VIT: variants seen among roughly 807,000 people sequenced by gnomAD.
VIT encodes the protein vitrin.
A neutral mutation model predicts 78.0 loss-of-function variants in VIT; 99 were observed. The observed-to-expected ratio is 1.27, with a 90% CI of 1.08 to 1.50. The LOEUF is 1.50. Among genes scored for constraint, VIT ranks in the 40% most tolerant of loss-of-function variants. The pLI is 0.00. For missense variants in VIT, 1,126 were observed against 875.3 expected, an observed-to-expected ratio of 1.29 and a Z score of -3.61; for synonymous variants, 374 against 334.3, an observed-to-expected ratio of 1.12 and a Z score of -1.29.
Position 36,806,575 on chromosome 2 carries a change from C to G in VIT, c.1389+911C>G, listed in dbSNP as rs149465860. Among the ~76,000 whole-genome samples the G allele has an allele frequency of 4.6e-3, 693 of 152,228 alleles. 3 individuals carry two copies. Among genetic ancestry groups the G allele is most frequent in the Non-Finnish European group, 7.2e-3 (488 of 68,008 alleles). The stretch of plus-strand genomic sequence containing the variant: ...CTTTTTTTCTTTTTTCAGACGGAGT[C>G]TCACTCTGTCGCCCAGGCTGGAATG... On this transcript the variant is annotated intron_variant, in intron 14 of 15. Transcript: ENST00000379242.
At position 36,758,963 on chromosome 2, in the gene VIT, T is replaced by C; in HGVS notation, c.410-6T>C. The stretch of plus-strand genomic sequence containing the variant: ...AAATCTCGTTTTTTTTTTCTCTTTT[T>C]TGCAGAAAGTAAACCCAAAAAGGGT... On this transcript the variant is annotated splice_polypyrimidine_tract_variant and splice_region_variant and intron_variant, in intron 5 of 15. Coordinates refer to ENST00000379242, the MANE Select transcript of VIT (RefSeq NM_053276.4). The C allele has an allele frequency of 3.7e-6, 6 of 1,612,352 alleles. No individual in the cohort carries two copies. Among genetic ancestry groups the C allele is most frequent in the Middle Eastern group, 1.7e-4 (1 of 6,060 alleles).
intron 11 of VIT, among the ~76,000 whole-genome samples, chr2:36,783,961 C>T (rs147354760): frequency 3.9e-5 from 6 of 152,292 alleles, no homozygotes; most frequent in Non-Finnish European, 5.9e-5. Flanking sequence ...CCAGGTCTGA[C>T]ATTCAGAAGG....
chr2:36,796,783 A>G (rs568214801), intron 12 of VIT, among the ~76,000 whole-genome samples: 1 of 152,246 alleles, frequency 6.6e-6, no homozygotes, highest in Non-Finnish European at 1.5e-5. Flanking sequence ...AACTTTTGAA[A>G]GGAACCTTTA....
In VIT at chr2:36,767,190, C is replaced by G; in HGVS notation, c.584C>G (p.Ala195Gly). ...MQLLAVTVAV[A>G]TPTTLPRPSP... is the part of the protein sequence containing the mutation. ...CTTCTGGCTGTCACTGTAGCTGTGG[C>G]CACCCCCACCACCTTGCCAAGGCCA... Residue 195 changes from alanine to glycine, a missense_variant, in exon 7 of 16, where the codon GCC becomes GGC. Transcript: ENST00000379242. 1 of 1,610,064 alleles carries G rather than the reference C, an allele frequency of 6.2e-7. No individual in the cohort carries two copies. The highest frequency in any genetic ancestry group is 8.5e-7 in the Non-Finnish European group (1 of 1,178,446).
chr2:36,802,985 T>C (rs1051863550), intron 13 of VIT, among the ~76,000 whole-genome samples: 1 of 152,220 alleles, frequency 6.6e-6, no homozygotes, highest in African/African-American at 2.4e-5. Context: ...TCTTCCAAGA[T>C]TAGGAAATCA....
At chr2:36,730,148 C>T (rs1385245410) in intron 3 of VIT, among the ~76,000 whole-genome samples, 1 of 151,884 alleles carries the variant, frequency 6.6e-6, no homozygotes, top group African/African-American at 2.4e-5. Flanking sequence ...ATTAGCCAGG[C>T]CTGATGGCGC....
intron 5 of VIT, among the ~76,000 whole-genome samples, chr2:36,757,244 A>G (rs927605986): frequency 6.6e-6 from 1 of 152,094 alleles, no homozygotes; most frequent in Non-Finnish European, 1.5e-5. Flanking sequence ...CTAGGTTTTT[A>G]TTTCTAATTT....
intron 12 of VIT, among the ~76,000 whole-genome samples, chr2:36,794,939 A>G (rs976821269): frequency 6.6e-6 from 1 of 152,194 alleles, no homozygotes; most frequent in Admixed American, 6.5e-5. Flanking sequence ...TTCATCATCT[A>G]GGATGTAATA....
chr2:36,704,850 C>T (rs1041676189), intron 1 of VIT, among the ~76,000 whole-genome samples: 21 of 150,958 alleles, frequency 1.4e-4, no homozygotes, highest in African/African-American at 4.9e-4. Flanking sequence ...GCACCCTCAT[C>T]TTCCTTCCTA....
intron 1 of VIT, among the ~76,000 whole-genome samples, chr2:36,703,180 G>A (rs1463865446): frequency 1.3e-5 from 2 of 152,222 alleles, no homozygotes; most frequent in African/African-American, 4.8e-5. Flanking sequence ...AGCTGATTGA[G>A]AACCAAGATC....
At chr2:36,784,464 C>T (rs1664962053) in intron 11 of VIT, among the ~76,000 whole-genome samples, 2 of 152,206 alleles carry the variant, frequency 1.3e-5, no homozygotes, top group South Asian at 4.1e-4. Context: ...TGATTGATTC[C>T]TTTGCACATT....
chr2:36,754,917 A>G lies in VIT; in HGVS notation c.276-4A>G, dbSNP rs773605146. 12 of 1,612,144 alleles carry G rather than the reference A, an allele frequency of 7.4e-6. No homozygotes were observed. The highest frequency in any genetic ancestry group is 2.2e-5 in the South Asian group (2 of 90,552). On this transcript the variant is annotated splice_region_variant and splice_polypyrimidine_tract_variant and intron_variant, in intron 4 of 15. Transcript: ENST00000379242. Reference sequence around the variant, plus strand: ...TCCTGAAAAATTATTTTTTCTCTTCATAGTGGTGTGCTTGATAATTCAGGA... The same window carrying G: ...TCCTGAAAAATTATTTTTTCTCTTCGTAGTGGTGTGCTTGATAATTCAGGA...
intron 8 of VIT, 94 bp from the exon 9 acceptor site, chr2:36,774,908 C>G: frequency 6.4e-7 from 1 of 1,567,880 alleles, no homozygotes; most frequent in Middle Eastern, 1.7e-4. Flanking sequence ...CAAGGAAAAT[C>G]TGAACTAAGG....
chr2:36,814,567 CA>C lies in VIT; in HGVS notation c.*210del. The C allele has an allele frequency of 1.7e-6, 1 of 586,996 alleles. No individual in the cohort carries two copies. 36.4% of individuals were successfully genotyped at this position (586,996 alleles called of 1,614,324 possible). On this transcript the variant is annotated 3_prime_UTR_variant, in exon 16 of 16. Coordinates refer to ENST00000379242, the MANE Select transcript of VIT (RefSeq NM_053276.4). Reference sequence around the variant, plus strand: ...ATGATCACAAACGTATAGAATGAGCCAAAAGGCTACATCATGTTGAGGGTGC... The same window carrying C: ...ATGATCACAAACGTATAGAATGAGCCAAAGGCTACATCATGTTGAGGGTGC...
chr2:36,731,093 G>T (rs908282568), intron 3 of VIT, among the ~76,000 whole-genome samples: 1 of 151,884 alleles, frequency 6.6e-6, no homozygotes, highest in Non-Finnish European at 1.5e-5. Context: ...GCTTTAAACT[G>T]TCTTCTGCTT....
chr2:36,702,280 A>G (rs1665111445), intron 1 of VIT, among the ~76,000 whole-genome samples: 1 of 152,188 alleles, frequency 6.6e-6, no homozygotes, highest in Non-Finnish European at 1.5e-5. Context: ...TTGGACAAGC[A>G]GACACAGAGC....
chr2:36,750,497 G>A (rs993579373), intron 4 of VIT, among the ~76,000 whole-genome samples: 10 of 152,304 alleles, frequency 6.6e-5, no homozygotes, highest in African/African-American at 2.2e-4. Context: ...AGCCACAAGA[G>A]TAAATTTGAC....
intron 6 of VIT, among the ~76,000 whole-genome samples, chr2:36,764,720 G>C (rs1669316735): frequency 6.6e-6 from 1 of 152,162 alleles, no homozygotes; most frequent in South Asian, 2.1e-4. Context: ...GCTGTCTTAA[G>C]TCAGTGCTGT....
chr2:36,774,930 G>A (rs906606729), intron 8 of VIT, 72 bp from the exon 9 acceptor site: 26 of 1,592,430 alleles, frequency 1.6e-5, no homozygotes, highest in East Asian at 4.5e-5. Flanking sequence ...AATTTTCACC[G>A]GGGGCAAAAT....
Sources: gnomAD v4.1 joint callset for allele counts (sites outside exome capture counted in the v4.1 genomes callset) on GRCh38, gnomAD v4.1.1 for gene constraint, MANE v1.5 for transcripts, NCBI Gene and HGNC (gene_info 2026-07-23, HGNC 2026-07-21) for gene names.